Variants in CSMD1 observed in about 807,000 individuals in gnomAD.
CSMD1 encodes CUB and sushi domain-containing protein 1.
Under a neutral mutation model 417.5 loss-of-function variants are expected in CSMD1, and 213 were observed. The observed-to-expected ratio is 0.51, with a 90% CI of 0.46 to 0.57. CSMD1 has a LOEUF of 0.57. Among genes scored for constraint, CSMD1 ranks in the 20% least tolerant of loss-of-function variants. The pLI, the probability that CSMD1 is intolerant of heterozygous loss-of-function variation, is 0.00. For missense variants in CSMD1, 6,923 were observed against 4,529.7 expected, an observed-to-expected ratio of 1.53 and a Z score of -15.17; for synonymous variants, 2,862 against 1,736.8, an observed-to-expected ratio of 1.65 and a Z score of -16.11.
intron 3 of CSMD1, among the ~76,000 whole-genome samples, chr8:4,408,679 G>C (rs887521688): frequency 1.3e-5 from 2 of 152,066 alleles, no homozygotes; most frequent in African/African-American, 4.8e-5. Flanking sequence ...TCATTTTCTT[G>C]AAACCAAGAA....
At chr8:4,773,042 T>G (rs1339093589) in intron 1 of CSMD1, among the ~76,000 whole-genome samples, 1 of 152,204 alleles carries the variant, frequency 6.6e-6, no homozygotes, top group Non-Finnish European at 1.5e-5. Context: ...TGAATATCTC[T>G]TATCTGAAAT....
At chr8:4,176,233 G>C (rs879747333) in intron 3 of CSMD1, among the ~76,000 whole-genome samples, 23 of 152,102 alleles carry the variant, frequency 1.5e-4, no homozygotes, top group Admixed American at 8.5e-4. Flanking sequence ...TATAGCTTAT[G>C]TACGTTCTTA....
intron 1 of CSMD1, among the ~76,000 whole-genome samples, chr8:4,783,992 T>C (rs1009983969): frequency 1.3e-5 from 2 of 152,202 alleles, no homozygotes; most frequent in African/African-American, 4.8e-5. Context: ...TGGCTACAAT[T>C]AATCAGTACG....
At chr8:2,967,494 C>T (rs956638246) in intron 57 of CSMD1, among the ~76,000 whole-genome samples, 14 of 152,068 alleles carry the variant, frequency 9.2e-5, no homozygotes, top group African/African-American at 2.7e-4. Context: ...GCTCGGCTGC[C>T]GCTGGGTACG....
intron 5 of CSMD1, among the ~76,000 whole-genome samples, chr8:3,916,338 G>C (rs1206212798): frequency 6.6e-6 from 1 of 152,108 alleles, no homozygotes; most frequent in Non-Finnish European, 1.5e-5. Context: ...TATATAGCAT[G>C]AATATTGTCA....
At chr8:4,787,538 G>T in intron 1 of CSMD1, 1 of 1,348,254 alleles carries the variant, frequency 7.4e-7, no homozygotes. Context: ...TATTAAAACT[G>T]CCTTCACCAG....
intron 11 of CSMD1, among the ~76,000 whole-genome samples, chr8:3,488,879 A>T (rs4242513): frequency 0.069 from 10,564 of 152,228 alleles, 483 homozygotes; most frequent in East Asian, 0.23. Flanking sequence ...GAGTTTTAAG[A>T]ATCTTATTTC....
chr8:3,500,053 G>T (rs760148771), intron 10 of CSMD1, among the ~76,000 whole-genome samples: 24 of 152,084 alleles, frequency 1.6e-4, no homozygotes, highest in South Asian at 2.1e-4. Context: ...AGTGTGACCT[G>T]CTGGGGATCT....
At chr8:4,708,796 G>A (rs1808107374) in intron 1 of CSMD1, among the ~76,000 whole-genome samples, 1 of 152,086 alleles carries the variant, frequency 6.6e-6, no homozygotes, top group African/African-American at 2.4e-5. Flanking sequence ...TTTTGTAATA[G>A]ATGTTTAAAT....
chr8:3,280,446 T>G (rs1802645631), intron 26 of CSMD1, among the ~76,000 whole-genome samples: 2 of 152,220 alleles, frequency 1.3e-5, no homozygotes. Flanking sequence ...TTTTTATATC[T>G]TGTTTTTCCT....
chr8:3,861,026 T>G (rs888816403), intron 5 of CSMD1, among the ~76,000 whole-genome samples: 1 of 152,230 alleles, frequency 6.6e-6, no homozygotes, highest in African/African-American at 2.4e-5. Flanking sequence ...TTTCCTTGTA[T>G]GAACTGCTGC....
chr8:3,459,131 C>T (rs1286017875), intron 12 of CSMD1, among the ~76,000 whole-genome samples: 3 of 152,224 alleles, frequency 2.0e-5, no homozygotes, highest in Non-Finnish European at 2.9e-5. Flanking sequence ...CACTGTGCTA[C>T]AGCACCCTGT....
chr8:3,455,661 C>A (rs927062300), intron 12 of CSMD1, among the ~76,000 whole-genome samples: 2 of 152,210 alleles, frequency 1.3e-5, no homozygotes, highest in Non-Finnish European at 2.9e-5. Flanking sequence ...CTGCCTGATC[C>A]TTCCTCTGGA....
chr8:3,681,624 T>G (rs1293124215), intron 7 of CSMD1, among the ~76,000 whole-genome samples: 1 of 152,232 alleles, frequency 6.6e-6, no homozygotes, highest in Admixed American at 6.5e-5. Context: ...CCAAGGTAAT[T>G]TATAGATTCA....
chr8:3,707,501 G>A (rs984097852), intron 7 of CSMD1, among the ~76,000 whole-genome samples: 22 of 152,192 alleles, frequency 1.4e-4, no homozygotes, highest in African/African-American at 2.4e-4. Flanking sequence ...TAGAAGAAGC[G>A]TGAGCAGAAA....
At chr8:3,846,068 A>C (rs1803480907) in intron 5 of CSMD1, among the ~76,000 whole-genome samples, 1 of 148,188 alleles carries the variant, frequency 6.7e-6, no homozygotes, top group African/African-American at 2.5e-5. Flanking sequence ...AATTAAAAAA[A>C]AAATAATAAG....
chr8:4,374,799 G>C (rs1027698711), intron 3 of CSMD1, among the ~76,000 whole-genome samples: 1 of 152,094 alleles, frequency 6.6e-6, no homozygotes, highest in Non-Finnish European at 1.5e-5. Context: ...TGGCCCAGGA[G>C]AGGATGGCAG....
chr8:4,895,266 G>A (rs1792721445), intron 1 of CSMD1, among the ~76,000 whole-genome samples: 1 of 152,106 alleles, frequency 6.6e-6, no homozygotes, highest in Non-Finnish European at 1.5e-5. Context: ...TTCTGACTCA[G>A]GTGTGTTACG....
chr8:4,064,199 C>A (rs927757581), intron 3 of CSMD1, among the ~76,000 whole-genome samples: 1 of 152,180 alleles, frequency 6.6e-6, no homozygotes, highest in Non-Finnish European at 1.5e-5. Context: ...GGAGCTTTCA[C>A]CATGGCTCAG....
Sources: gnomAD v4.1 joint callset for allele counts (sites outside exome capture counted in the v4.1 genomes callset) on GRCh38, gnomAD v4.1.1 for gene constraint, MANE v1.5 for transcripts, NCBI Gene and HGNC (gene_info 2026-07-23, HGNC 2026-07-21) for gene names.